DDX10: variants seen among roughly 807,000 people sequenced by gnomAD.
DDX10 encodes DEAD-box helicase 10.
In DDX10, 74 loss-of-function variants were observed where a neutral mutation model predicts 104.3. That is an observed-to-expected ratio of 0.71 (90% CI 0.59 to 0.86). The LOEUF (loss-of-function observed/expected upper bound fraction) is 0.86. Ranked by LOEUF, DDX10 falls within the 40% of genes least tolerant of loss-of-function variation. The probability of loss-of-function intolerance (pLI) is 0.00; values close to 1 mark genes in which losing one functional copy is unlikely to be tolerated. For synonymous variants in DDX10, 351 were observed against 353.4 expected (o/e 0.99, Z 0.08); for missense variants, 952 against 1,040.0 (o/e 0.92, Z 1.16).
intron 16 of DDX10, among the ~76,000 whole-genome samples, chr11:108,885,061 A>T (rs1400293297): frequency 2.0e-5 from 3 of 152,028 alleles, no homozygotes; most frequent in African/African-American, 7.3e-5. Flanking sequence ...TCCAAATTCC[A>T]TTTACAGACA....
chr11:108,887,047 A>G (rs1243586200), intron 16 of DDX10, among the ~76,000 whole-genome samples: 2 of 152,204 alleles, frequency 1.3e-5, no homozygotes, highest in Non-Finnish European at 2.9e-5. Context: ...AAAATGGTAT[A>G]TTATATGAAA....
At chr11:108,861,465 A>G (rs1439013766) in intron 16 of DDX10, among the ~76,000 whole-genome samples, 1 of 152,208 alleles carries the variant, frequency 6.6e-6, no homozygotes, top group Non-Finnish European at 1.5e-5. Flanking sequence ...ATGAAATGTT[A>G]TATATGAAGG....
intron 1 of DDX10, among the ~76,000 whole-genome samples, chr11:108,667,243 T>G (rs181718759): frequency 6.6e-6 from 1 of 152,264 alleles, no homozygotes; most frequent in Non-Finnish European, 1.5e-5. Context: ...GAATGGGTGT[T>G]GTTTTTCAGT....
chr11:108,869,053 A>G (rs1863045843), intron 16 of DDX10, among the ~76,000 whole-genome samples: 14 of 151,938 alleles, frequency 9.2e-5, no homozygotes, highest in Admixed American at 9.2e-4. Flanking sequence ...TGGGCAGGAA[A>G]TAATGATAAG....
chr11:108,839,629 T>C (rs933907770), intron 14 of DDX10, among the ~76,000 whole-genome samples: 1 of 152,136 alleles, frequency 6.6e-6, no homozygotes, highest in African/African-American at 2.4e-5. Context: ...TCCAGTGGAG[T>C]ATGATTCCTT....
chr11:108,934,540 G>A (rs1864013098), intron 17 of DDX10, among the ~76,000 whole-genome samples: 1 of 152,174 alleles, frequency 6.6e-6, no homozygotes, highest in Non-Finnish European at 1.5e-5. Context: ...GAGGCCCAAG[G>A]ATGGAACCTG....
In DDX10 at chr11:108,689,075, T is replaced by C; in HGVS notation, c.975+13T>C. 6.2e-7 allele frequency: 1 copy of C among 1,612,790 alleles called. No homozygotes were observed. Among genetic ancestry groups the C allele is most frequent in the Non-Finnish European group, 8.5e-7 (1 of 1,179,434 alleles). On this transcript the variant is annotated intron_variant, in intron 7 of 17. Transcript: ENST00000322536. ...CAGTTGCAAAGAGGTATTGGCTGTT[T>C]ATTTTGCTTTCTGAACGTATGTTGA... is the stretch of plus-strand genomic sequence containing the variant.
intron 1 of DDX10, 87 bp downstream of exon 1, chr11:108,665,426 C>G (rs2094208850): frequency 7.1e-7 from 1 of 1,411,844 alleles, no homozygotes. Context: ...GTGGAGGCGG[C>G]GGATCTGTCA....
chr11:108,895,784 C>T (rs1863432524), intron 16 of DDX10, among the ~76,000 whole-genome samples: 1 of 152,040 alleles, frequency 6.6e-6, no homozygotes, highest in Non-Finnish European at 1.5e-5. Context: ...ATACCAACCA[C>T]ATATGAGGCT....
At chr11:108,775,901 C>G (rs2094369241) in intron 13 of DDX10, among the ~76,000 whole-genome samples, 3 of 152,268 alleles carry the variant, frequency 2.0e-5, no homozygotes, top group South Asian at 4.1e-4. Flanking sequence ...TATAATCGTA[C>G]AGCATGTATT....
chr11:108,911,981 C>G (rs2357324), intron 16 of DDX10, among the ~76,000 whole-genome samples: 3 of 151,974 alleles, frequency 2.0e-5, no homozygotes, highest in Non-Finnish European at 4.4e-5. Flanking sequence ...TAAGAGAGGT[C>G]TGATGTGTAC....
chr11:108,716,310 A>T (rs1028831875), intron 11 of DDX10, among the ~76,000 whole-genome samples: 3 of 152,160 alleles, frequency 2.0e-5, no homozygotes, highest in African/African-American at 7.2e-5. Flanking sequence ...CATGTTGCCC[A>T]GAGTGGTCTT....
intron 13 of DDX10, among the ~76,000 whole-genome samples, chr11:108,813,772 T>C (rs996354932): frequency 6.6e-6 from 1 of 152,124 alleles, no homozygotes; most frequent in African/African-American, 2.4e-5. Flanking sequence ...GATCCAGCTT[T>C]ATTTTGTTCT....
chr11:108,865,337 T>G (rs1212017590), intron 16 of DDX10, among the ~76,000 whole-genome samples: 4 of 152,182 alleles, frequency 2.6e-5, no homozygotes, highest in Non-Finnish European at 5.9e-5. Flanking sequence ...GGGCCTCTTT[T>G]AGCTCTACAA....
chr11:108,775,477 A>G (rs898255600), intron 13 of DDX10, among the ~76,000 whole-genome samples: 3 of 152,322 alleles, frequency 2.0e-5, no homozygotes, highest in Admixed American at 1.3e-4. Flanking sequence ...AAGCCTTGGT[A>G]TCTGAGTCAA....
chr11:108,875,810 T>C (rs1386672184), intron 16 of DDX10, among the ~76,000 whole-genome samples: 2 of 152,156 alleles, frequency 1.3e-5, no homozygotes, highest in African/African-American at 2.4e-5. Flanking sequence ...ACCGTTGCAC[T>C]AGCAGGAACT....
At chr11:108,673,848 C>G (rs1249452706) in intron 2 of DDX10, among the ~76,000 whole-genome samples, 2 of 152,156 alleles carry the variant, frequency 1.3e-5, no homozygotes, top group East Asian at 1.9e-4. Context: ...AAATATCAGA[C>G]TGAGTGGCTT....
intron 17 of DDX10, among the ~76,000 whole-genome samples, chr11:108,925,196 G>C (rs1863891529): frequency 1.3e-5 from 2 of 152,216 alleles, no homozygotes; most frequent in Non-Finnish European, 2.9e-5. Context: ...TTAGAGAAAG[G>C]TTGCTACACA....
At chr11:108,706,515 C>A (rs549289889) in intron 9 of DDX10, among the ~76,000 whole-genome samples, 1 of 152,206 alleles carries the variant, frequency 6.6e-6, no homozygotes, top group South Asian at 2.1e-4. Flanking sequence ...GAATTTAGAT[C>A]ATCATCTGTG....
Sources: allele counts gnomAD v4.1 joint callset (sites outside exome capture counted in the v4.1 genomes callset), GRCh38; gene constraint gnomAD v4.1.1; transcripts MANE v1.5; gene names NCBI Gene and HGNC (gene_info 2026-07-23, HGNC 2026-07-21).